The following SORBS2 variants were observed in gnomAD, a reference collection of about 807,000 sequenced individuals.
The protein encoded by SORBS2 is sorbin and SH3 domain containing 2, also known as sorbin and SH3 domain-containing protein 2.
Under a neutral mutation model 97.7 loss-of-function variants are expected in SORBS2, and 46 were observed. The observed-to-expected ratio is 0.47, with a 90% CI of 0.37 to 0.60. SORBS2 has a LOEUF of 0.60. SORBS2 is among the 20% of genes least tolerant of loss of function. The pLI is 0.00. For synonymous variants in SORBS2, 476 were observed against 473.4 expected (o/e 1.01, Z -0.07); for missense variants, 1,316 against 1,282.3 (o/e 1.03, Z -0.40).
chr4:185,894,745 C>A (rs779919945), intron 1 of SORBS2, among the ~76,000 whole-genome samples: 3 of 152,162 alleles, frequency 2.0e-5, no homozygotes, highest in Non-Finnish European at 4.4e-5. Flanking sequence ...CACCTCAGTC[C>A]CCACAAAAGA....
chr4:185,795,907 A>AGCCTGCTTCTAC (rs1473237571), intron 1 of SORBS2, among the ~76,000 whole-genome samples: 1 of 152,154 alleles, frequency 6.6e-6, no homozygotes, highest in Non-Finnish European at 1.5e-5. Context: ...ATTAAACCAT[A>AGCCTGCTTCTAC]GCCTGCTTCT....
chr4:185,826,289 G>T (rs2099199700), intron 1 of SORBS2, among the ~76,000 whole-genome samples: 4 of 152,000 alleles, frequency 2.6e-5, no homozygotes, highest in Admixed American at 2.6e-4. Context: ...ACTCAGAGTG[G>T]CCCCTCAGGC....
intron 1 of SORBS2, among the ~76,000 whole-genome samples, chr4:185,941,545 A>G (rs1413083475): frequency 1.3e-5 from 2 of 152,162 alleles, no homozygotes; most frequent in Non-Finnish European, 2.9e-5. Context: ...TGCTTCTTAT[A>G]ATCTCACACA....
intron 1 of SORBS2, among the ~76,000 whole-genome samples, chr4:185,788,908 A>G (rs911637468): frequency 6.6e-6 from 1 of 152,214 alleles, no homozygotes; most frequent in Non-Finnish European, 1.5e-5. Flanking sequence ...ACATTTGAAC[A>G]CACCTTCGAG....
At chr4:185,893,837 G>A (rs1561275846) in intron 1 of SORBS2, among the ~76,000 whole-genome samples, 1 of 152,160 alleles carries the variant, frequency 6.6e-6, no homozygotes, top group Non-Finnish European at 1.5e-5. Flanking sequence ...CTATAACCCT[G>A]GAGCTGCCCT....
intron 2 of SORBS2, among the ~76,000 whole-genome samples, chr4:185,743,941 TCTC>T (rs972254395): frequency 7.2e-5 from 10 of 137,992 alleles, no homozygotes; most frequent in African/African-American, 1.4e-4. Flanking sequence ...TCCTCCTCTT[TCTC>T]CTCCTCCTTC....
intron 1 of SORBS2, among the ~76,000 whole-genome samples, chr4:185,807,768 C>T (rs926161571): frequency 2.0e-5 from 3 of 152,260 alleles, no homozygotes; most frequent in Admixed American, 6.5e-5. Context: ...TATTTTTCCA[C>T]GTGACAGTGG....
intron 1 of SORBS2, among the ~76,000 whole-genome samples, chr4:185,831,789 C>G (rs879180937): frequency 6.6e-6 from 1 of 152,148 alleles, no homozygotes; most frequent in Admixed American, 6.5e-5. Context: ...TGAGATGTTA[C>G]CAGTGCTTTA....
rs1461936076 is a variant in SORBS2 at position 185,692,769 on chromosome 4, A to G, written c.-197-13947T>C. ...ATATATAGATATATATGTATAGTGT[A>G]ATCCTCGTTTTGCTATATACACATG... On this transcript the variant is annotated intron_variant, in intron 2 of 20. Transcript: ENST00000284776. Among the ~76,000 whole-genome samples, 3 of 150,634 alleles carry G rather than the reference A, an allele frequency of 2.0e-5. No homozygotes were observed. In the Admixed American group the frequency reaches 2.0e-4, roughly 10 times the overall value.
intron 2 of SORBS2, among the ~76,000 whole-genome samples, chr4:185,717,002 G>C (rs1350351889): frequency 2.0e-5 from 3 of 152,220 alleles, no homozygotes; most frequent in Admixed American, 2.0e-4. Context: ...CAACCAAGAA[G>C]ATGATAAAGC....
intron 2 of SORBS2, among the ~76,000 whole-genome samples, chr4:185,734,356 A>G (rs1329878055): frequency 1.3e-5 from 2 of 152,232 alleles, no homozygotes; most frequent in Non-Finnish European, 2.9e-5. Flanking sequence ...TTAGTTTGTT[A>G]CATACTACAA....
rs70962587 is a variant in SORBS2, at chr4:185,709,304, C to CTTTTTTTTTTTTTTTTTTTTTTTTTT, written c.-197-30483_-197-30482insAAAAAAAAAAAAAAAAAAAAAAAAAA. Among the ~76,000 whole-genome samples, 11 of 96,768 alleles carry CTTTTTTTTTTTTTTTTTTTTTTTTTT rather than the reference C, an allele frequency of 1.1e-4. 2 individuals are homozygous for CTTTTTTTTTTTTTTTTTTTTTTTTTT. The highest frequency in any genetic ancestry group is 3.7e-4 in the African/African-American group (9 of 24,386). The allele number at this position is 96,768 out of a possible 152,430, so 63.5% of individuals were successfully genotyped here. A position where few individuals can be genotyped will look rare whatever the true frequency, so the allele number is the denominator to read the frequency against. ...GCATGAGCCGCTGTGCTGGCCAAATCTTTTTTTTTTTTTTTTTTTTAGTAA... is the reference window on the plus strand; with the variant it reads ...GCATGAGCCGCTGTGCTGGCCAAATCTTTTTTTTTTTTTTTTTTTTTTTTTTTTTTTTTTTTTTTTTTTTTTAGTAA... On this transcript the variant is annotated intron_variant, in intron 2 of 20. Transcript: ENST00000284776.
At chr4:185,665,876 T>C in intron 4 of SORBS2, 1 of 1,182,614 alleles carries the variant, frequency 8.5e-7, no homozygotes, top group South Asian at 1.6e-5. Context: ...GAGGACTCAC[T>C]CTCCGAGCGG....
intron 1 of SORBS2, among the ~76,000 whole-genome samples, chr4:185,908,763 C>T (rs181806403): frequency 7.9e-5 from 12 of 152,110 alleles, no homozygotes; most frequent in African/African-American, 2.9e-4. Flanking sequence ...AGGAGACCCA[C>T]AATGATGGAG....
intron 2 of SORBS2, among the ~76,000 whole-genome samples, chr4:185,695,505 G>GT (rs70962586): frequency 0.3 from 44,294 of 150,102 alleles, 6,767 homozygotes; most frequent in Middle Eastern, 0.42. Flanking sequence ...CAGGATGTTA[G>GT]TTTTTTTTTT....
chr4:185,751,649 G>GT (rs1195107752), intron 2 of SORBS2, among the ~76,000 whole-genome samples: 1 of 152,140 alleles, frequency 6.6e-6, no homozygotes, highest in East Asian at 1.9e-4. Context: ...GACAGAATGT[G>GT]TGTGTGTGCA....
chr4:185,648,709 C>A (rs185033536), intron 3 of SORBS2, among the ~76,000 whole-genome samples: 1 of 152,244 alleles, frequency 6.6e-6, no homozygotes, highest in East Asian at 1.9e-4. Flanking sequence ...TGGACCCTGG[C>A]TTGGACATAA....
At chr4:185,677,654 G>A (rs1313774085) in intron 4 of SORBS2, 11 of 1,472,712 alleles carry the variant, frequency 7.5e-6, no homozygotes, top group Non-Finnish European at 9.8e-6. Context: ...TTGACAATGG[G>A]ATCCAGAGAA....
rs1394255800 is a variant in SORBS2 at position 185,607,089 on chromosome 4, A to G, written c.2796+4691T>C. 1 of 1,058,352 alleles carries G rather than the reference A, an allele frequency of 9.4e-7. No individual in the cohort carries two copies. The highest frequency in any genetic ancestry group is 1.7e-5 in the African/African-American group (1 of 57,940). 65.6% of individuals were successfully genotyped at this position (1,058,352 alleles called of 1,614,324 possible). A position where few individuals can be genotyped will look rare whatever the true frequency, so the allele number is the denominator to read the frequency against. ...CTGGGGACAATGGGAGGAGGACAGC[A>G]GGTTCCTCCTTAATTTCCAGGATGG... On this transcript the variant is annotated intron_variant, in intron 12 of 14. Transcript: ENST00000418609. This position sits in a 1 kb window ranked among gnomAD's most constrained non-coding sequence, Gnocchi z 5.2.
Sources: allele counts gnomAD v4.1 joint callset (sites outside exome capture counted in the v4.1 genomes callset), GRCh38; gene constraint gnomAD v4.1.1; non-coding constraint Gnocchi (gnomAD v3.1); transcripts MANE v1.5; gene names NCBI Gene and HGNC (gene_info 2026-07-23, HGNC 2026-07-21).